The following FAF1 variants were observed in gnomAD, a reference collection of about 807,000 sequenced individuals.
FAF1 encodes the protein Fas associated factor 1.
FAF1 carries 25 observed loss-of-function variants against 92.5 expected under a neutral mutation model. That is an observed-to-expected ratio of 0.27 (90% CI 0.20 to 0.38). The LOEUF (loss-of-function observed/expected upper bound fraction) is 0.38, where lower values mean the gene tolerates loss of function less well. Ranked by LOEUF, FAF1 falls within the 10% of genes least tolerant of loss-of-function variation. The probability of loss-of-function intolerance (pLI) is 1.00; values close to 1 mark genes in which losing one functional copy is unlikely to be tolerated. For synonymous variants in FAF1, 234 were observed against 273.2 expected (o/e 0.86, Z 1.42); for missense variants, 636 against 793.3 (o/e 0.80, Z 2.38).
intron 17 of FAF1, among the ~76,000 whole-genome samples, 174 bp downstream of exon 17, chr1:50,490,403 GGAAGGAAGGAA>G (rs1646818518): frequency 2.9e-5 from 2 of 68,096 alleles, no homozygotes; most frequent in Non-Finnish European, 6.5e-5. Context: ...AAGGAAGGAA[GGAAGGAAGGAA>G]GGAAGGAAGG....
At chr1:50,724,616 A>G (rs1004301228) in intron 6 of FAF1, among the ~76,000 whole-genome samples, 1 of 152,216 alleles carries the variant, frequency 6.6e-6, no homozygotes, top group South Asian at 2.1e-4. Context: ...TTCTCCCCAC[A>G]AGGGTAGAGT....
intron 1 of FAF1, among the ~76,000 whole-genome samples, chr1:50,876,295 A>C (rs1045179273): frequency 6.6e-6 from 1 of 152,212 alleles, no homozygotes; most frequent in Non-Finnish European, 1.5e-5. Context: ...AAGTAAAAGT[A>C]GGTCAAATCA....
rs1449783544 is a variant in FAF1, at chr1:50,934,909, C to T, written c.45+24858G>A. The stretch of plus-strand genomic sequence containing the variant: ...CTATCACTCTTGTCACTGTTCTATT[C>T]ATGAATGTTTTTCCCCCTCCTCTGG... On this transcript the variant is annotated intron_variant, in intron 1 of 18. Transcript: ENST00000396153. 2.6e-5 allele frequency among the ~76,000 whole-genome samples: 4 copies of T among 152,172 alleles called. No individual in the cohort carries two copies. The East Asian group carries it at 7.7e-4, about 29-fold the overall frequency.
At position 50,847,483 on chromosome 1, in the gene FAF1, GAC is replaced by G. The variant is rs1476487725; in HGVS notation, c.114+10444_114+10445del. Among the ~76,000 whole-genome samples the G allele has an allele frequency of 8.1e-5, 12 of 147,708 alleles. No individual in the cohort carries two copies. The East Asian group carries it at 2.3e-3, about 29-fold the overall frequency. ...CCACAACAGTCTCATCAGTAGAACT[GAC>G]ACAGTCAAGGAAAGAATAAGTGAAA... On this transcript the variant is annotated intron_variant, in intron 2 of 18. Transcript: ENST00000396153.
intron 15 of FAF1, among the ~76,000 whole-genome samples, chr1:50,525,723 C>CT (rs1301522968): frequency 2.0e-5 from 3 of 151,948 alleles, no homozygotes; most frequent in South Asian, 2.1e-4. Flanking sequence ...AGGAAGTTCC[C>CT]TTTTTTTCCT....
At chr1:50,635,660 A>C (rs1653977409) in intron 8 of FAF1, among the ~76,000 whole-genome samples, 1 of 152,212 alleles carries the variant, frequency 6.6e-6, no homozygotes, top group African/African-American at 2.4e-5. Flanking sequence ...TGCTGAGCTC[A>C]GGCTGGTCTC....
chr1:50,550,008 A>G (rs548769473), intron 13 of FAF1, among the ~76,000 whole-genome samples: 1 of 152,102 alleles, frequency 6.6e-6, no homozygotes, highest in Non-Finnish European at 1.5e-5. Flanking sequence ...ATTTACACAT[A>G]ATGTCCTCAT....
intron 4 of FAF1, 122 bp downstream of exon 4, chr1:50,787,878 C>T (rs1661419238): frequency 4.3e-6 from 3 of 705,866 alleles, no homozygotes; most frequent in Admixed American, 5.4e-5. Flanking sequence ...TGGAAAGTTA[C>T]CAGTTTCAAC....
rs1394552971 is a variant in FAF1, at chr1:50,744,798, A to G, written c.368-23T>C. On this transcript the variant is annotated intron_variant, in intron 4 of 18. Coordinates refer to ENST00000396153, the MANE Select transcript of FAF1 (RefSeq NM_007051.3). ...CTCCTGTATAAATAAGAAGAGATCA[A>G]ATATTACTAACAAAATAACACAGTT... 3 of 1,349,292 alleles carry G rather than the reference A, an allele frequency of 2.2e-6. No individual in the cohort carries two copies. In the South Asian group the frequency reaches 3.7e-5, roughly 17 times the overall value. 83.6% of individuals were successfully genotyped at this position (1,349,292 alleles called of 1,614,324 possible).
intron 15 of FAF1, among the ~76,000 whole-genome samples, chr1:50,500,231 A>G (rs1336446939): frequency 1.3e-5 from 2 of 152,158 alleles, no homozygotes; most frequent in Non-Finnish European, 2.9e-5. Context: ...AAATAACTAA[A>G]TTAGAGGACT....
chr1:50,752,977 C>A (rs1200072973), intron 4 of FAF1, among the ~76,000 whole-genome samples: 1 of 152,198 alleles, frequency 6.6e-6, no homozygotes, highest in Non-Finnish European at 1.5e-5. Context: ...AGCCACTGCA[C>A]CCAACCATCA....
intron 6 of FAF1, among the ~76,000 whole-genome samples, chr1:50,714,435 C>T (rs894213861): frequency 6.6e-6 from 1 of 152,008 alleles, no homozygotes; most frequent in African/African-American, 2.4e-5. Context: ...ATCTCTTGAA[C>T]CTGGAAGGCA....
intron 7 of FAF1, among the ~76,000 whole-genome samples, chr1:50,686,867 C>T (rs948322947): frequency 6.6e-6 from 1 of 151,964 alleles, no homozygotes; most frequent in Non-Finnish European, 1.5e-5. Context: ...CACATTCTGT[C>T]GCCCACGCTG....
chr1:50,791,195 T>G (rs543365416), intron 3 of FAF1, among the ~76,000 whole-genome samples: 1 of 152,310 alleles, frequency 6.6e-6, no homozygotes, highest in East Asian at 1.9e-4. Flanking sequence ...CAGGAAAGAA[T>G]GCCACAGCTG....
In FAF1 at chr1:50,798,027, A is replaced by G. The variant is rs375099640; in HGVS notation, c.161+3604T>C. Among the ~76,000 whole-genome samples the G allele has an allele frequency of 1.8e-4, 28 of 152,056 alleles. No homozygotes were observed. In the South Asian group the frequency reaches 4.6e-3, roughly 25 times the overall value. Reference sequence around the variant, plus strand: ...AACTCTGCACTTGTTTATTATTTCAATTCTTTAAAGTCCATGCCATGGCAA... The same window carrying G: ...AACTCTGCACTTGTTTATTATTTCAGTTCTTTAAAGTCCATGCCATGGCAA... On this transcript the variant is annotated intron_variant, in intron 3 of 18. Transcript: ENST00000396153.
chr1:50,946,150 C>A (rs942747538), intron 1 of FAF1, among the ~76,000 whole-genome samples: 5 of 152,216 alleles, frequency 3.3e-5, no homozygotes, highest in African/African-American at 9.6e-5. Context: ...TTTCTGCCCA[C>A]GTTAAGTTAC....
chr1:50,574,898 CTTTTTTTTTTTTTT>C (rs891527014), intron 12 of FAF1, among the ~76,000 whole-genome samples: 5 of 71,446 alleles, frequency 7.0e-5, no homozygotes, highest in African/African-American at 1.7e-4. Flanking sequence ...TGTATTAACT[CTTTTTTTTTTTTTT>C]TTTTTTTTTT....
At chr1:50,935,173 GGA>G (rs906858614) in intron 1 of FAF1, among the ~76,000 whole-genome samples, 1 of 152,108 alleles carries the variant, frequency 6.6e-6, no homozygotes, top group Non-Finnish European at 1.5e-5. Flanking sequence ...AATTTCAAAA[GGA>G]GAGAAAAACA....
intron 2 of FAF1, among the ~76,000 whole-genome samples, chr1:50,803,919 T>C (rs1202789134): frequency 6.6e-6 from 1 of 152,074 alleles, no homozygotes; most frequent in Non-Finnish European, 1.5e-5. Flanking sequence ...GAATAGAGAA[T>C]AGGGAAACAG....
Sources: allele counts gnomAD v4.1 joint callset (sites outside exome capture counted in the v4.1 genomes callset), GRCh38; gene constraint gnomAD v4.1.1; transcripts MANE v1.5; gene names NCBI Gene and HGNC (gene_info 2026-07-23, HGNC 2026-07-21).